Variants in RORA observed in about 807,000 individuals in gnomAD.
RORA encodes the protein RAR related orphan receptor A, also known as nuclear receptor ROR-alpha.
A neutral mutation model predicts 69.5 loss-of-function variants in RORA; 7 were observed. The ratio of observed to expected loss-of-function variants is 0.10; its 90% CI spans 0.06 to 0.19. The LOEUF (loss-of-function observed/expected upper bound fraction) is 0.19, where lower values mean the gene tolerates loss of function less well. Among genes scored for constraint, RORA ranks in the 10% least tolerant of loss-of-function variants. The pLI is 1.00. For synonymous variants in RORA, 261 were observed against 240.8 expected (o/e 1.08, Z -0.78); for missense variants, 457 against 663.0 (o/e 0.69, Z 3.41).
intron 1 of RORA, among the ~76,000 whole-genome samples, chr15:61,041,353 T>G (rs540242750): frequency 6.6e-6 from 1 of 152,048 alleles, no homozygotes; most frequent in Non-Finnish European, 1.5e-5. Flanking sequence ...ATGAATTCAA[T>G]GAGCTATCAG....
intron 3 of RORA, among the ~76,000 whole-genome samples, chr15:60,524,527 T>C (rs890856092): frequency 6.6e-6 from 1 of 152,234 alleles, no homozygotes; most frequent in Non-Finnish European, 1.5e-5. Flanking sequence ...TGGGAACCTC[T>C]CTGACCTGGG....
intron 1 of RORA, among the ~76,000 whole-genome samples, chr15:61,107,347 G>T (rs1462791161): frequency 6.6e-6 from 1 of 151,954 alleles, no homozygotes. Context: ...GTACGAAACT[G>T]CAGTACTTTT....
intron 1 of RORA, among the ~76,000 whole-genome samples, chr15:60,771,995 A>T (rs1271237148): frequency 6.6e-6 from 1 of 152,248 alleles, no homozygotes; most frequent in Non-Finnish European, 1.5e-5. Flanking sequence ...GGTACATGCC[A>T]GCAACAAATT....
intron 1 of RORA, among the ~76,000 whole-genome samples, chr15:60,685,086 C>A (rs2070721108): frequency 6.6e-6 from 1 of 152,146 alleles, no homozygotes; most frequent in Non-Finnish European, 1.5e-5. Context: ...CCTTGTGAAT[C>A]CACTTTATAT....
At chr15:60,753,394 C>T (rs1314534865) in intron 1 of RORA, among the ~76,000 whole-genome samples, 1 of 152,220 alleles carries the variant, frequency 6.6e-6, no homozygotes, top group Non-Finnish European at 1.5e-5. Context: ...AGGAACTCTG[C>T]TGGTAACTGG....
intron 2 of RORA, among the ~76,000 whole-genome samples, chr15:60,610,557 G>A (rs1180220949): frequency 1.3e-5 from 2 of 152,116 alleles, no homozygotes; most frequent in Admixed American, 6.5e-5. Context: ...GGGACTGATC[G>A]ACAATAAGTG....
intron 1 of RORA, among the ~76,000 whole-genome samples, chr15:61,220,749 T>A (rs1347395510): frequency 2.0e-5 from 3 of 152,256 alleles, no homozygotes; most frequent in Non-Finnish European, 4.4e-5. Flanking sequence ...ATTGGCATTC[T>A]CGACAAGTTC....
intron 3 of RORA, among the ~76,000 whole-genome samples, chr15:60,515,973 T>TAA: frequency 6.0e-5 from 1 of 16,778 alleles, no homozygotes; most frequent in African/African-American, 2.1e-4. Context: ...TTATATATAT[T>TAA]TATATATTTA....
chr15:61,035,833 G>C (rs1171152083), intron 1 of RORA, among the ~76,000 whole-genome samples: 2 of 152,130 alleles, frequency 1.3e-5, no homozygotes, highest in Non-Finnish European at 2.9e-5. Context: ...AGAGAAAAGA[G>C]GATACAGCGA....
chr15:60,927,647 A>G (rs2140496368), intron 1 of RORA, among the ~76,000 whole-genome samples: 1 of 152,200 alleles, frequency 6.6e-6, no homozygotes, highest in East Asian at 1.9e-4. Flanking sequence ...GGTGGTGCAC[A>G]TCTGTAATCC....
intron 1 of RORA, among the ~76,000 whole-genome samples, chr15:60,726,576 A>G (rs928069072): frequency 2.6e-5 from 4 of 152,142 alleles, no homozygotes; most frequent in African/African-American, 9.7e-5. Flanking sequence ...TCAGCATCCA[A>G]TCATCTCTTG....
chr15:60,708,899 G>A (rs2071104976), intron 1 of RORA, among the ~76,000 whole-genome samples: 1 of 152,204 alleles, frequency 6.6e-6, no homozygotes, highest in African/African-American at 2.4e-5. Flanking sequence ...TAAAATCCAT[G>A]TTCTACAGTC....
intron 1 of RORA, among the ~76,000 whole-genome samples, chr15:60,792,012 T>C (rs1282909480): frequency 6.6e-6 from 1 of 152,072 alleles, no homozygotes; most frequent in African/African-American, 2.4e-5. Flanking sequence ...ATAAGTACTT[T>C]AAAGAAGCCA....
chr15:60,901,469 GC>G (rs1353553564), intron 1 of RORA, among the ~76,000 whole-genome samples: 4 of 152,154 alleles, frequency 2.6e-5, no homozygotes, highest in African/African-American at 7.2e-5. Context: ...ACCACGCCCG[GC>G]GATTCATGAT....
chr15:60,756,957 T>C (rs577120338), intron 1 of RORA, among the ~76,000 whole-genome samples: 114 of 152,326 alleles, frequency 7.5e-4, no homozygotes, highest in South Asian at 1.4e-3. Context: ...TTATAATCCA[T>C]GAATATTAGT....
chr15:60,634,565 C>A (rs544519776), intron 2 of RORA, among the ~76,000 whole-genome samples: 1 of 150,360 alleles, frequency 6.7e-6, no homozygotes. Flanking sequence ...CCACCACGCC[C>A]GGCTAATTTT....
At chr15:60,797,406 C>T (rs2072513824) in intron 1 of RORA, among the ~76,000 whole-genome samples, 1 of 152,152 alleles carries the variant, frequency 6.6e-6, no homozygotes, top group South Asian at 2.1e-4. Flanking sequence ...CTGTGTGTGC[C>T]TTTCCAAGGG....
At chr15:60,696,687 T>C (rs1050159499) in intron 1 of RORA, among the ~76,000 whole-genome samples, 4 of 152,208 alleles carry the variant, frequency 2.6e-5, no homozygotes, top group African/African-American at 9.7e-5. Context: ...TCACTTTATA[T>C]GACCCTTGCT....
intron 1 of RORA, among the ~76,000 whole-genome samples, chr15:60,741,598 T>C (rs1033333096): frequency 6.6e-6 from 1 of 152,156 alleles, no homozygotes; most frequent in African/African-American, 2.4e-5. Flanking sequence ...GCCCTGGAAA[T>C]GTAGAGGTTT....
Sources: gnomAD v4.1 joint callset for allele counts (sites outside exome capture counted in the v4.1 genomes callset) on GRCh38, gnomAD v4.1.1 for gene constraint, MANE v1.5 for transcripts, NCBI Gene and HGNC (gene_info 2026-07-23, HGNC 2026-07-21) for gene names.